SLC35F4: variants seen among roughly 807,000 people sequenced by gnomAD.
SLC35F4 encodes solute carrier family 35 member F4.
A neutral mutation model predicts 44.2 loss-of-function variants in SLC35F4; 24 were observed. The ratio of observed to expected loss-of-function variants is 0.54; its 90% CI spans 0.39 to 0.76. The LOEUF is 0.76. Ranked by LOEUF, SLC35F4 falls within the 30% of genes least tolerant of loss-of-function variation. The pLI is 0.00. For missense variants in SLC35F4, 562 were observed against 586.1 expected (o/e 0.96, Z 0.42); for synonymous variants, 238 against 223.6 (o/e 1.06, Z -0.57).
At chr14:57,821,933 G>T (rs980452371) in intron 1 of SLC35F4, among the ~76,000 whole-genome samples, 1 of 152,234 alleles carries the variant, frequency 6.6e-6, no homozygotes, top group Non-Finnish European at 1.5e-5. Context: ...AGGCACCTAA[G>T]GAGGTGCCCA....
chr14:57,732,106 A>G (rs1594908367), intron 1 of SLC35F4, among the ~76,000 whole-genome samples: 1 of 152,320 alleles, frequency 6.6e-6, no homozygotes, highest in East Asian at 1.9e-4. Flanking sequence ...TATATTTCAA[A>G]GTTTTCTCTA....
At chr14:57,718,725 T>C (rs1464162670) in intron 1 of SLC35F4, among the ~76,000 whole-genome samples, 3 of 152,170 alleles carry the variant, frequency 2.0e-5, no homozygotes, top group Non-Finnish European at 4.4e-5. Context: ...TTGAGCTCCT[T>C]ATATATTCTT....
intron 1 of SLC35F4, among the ~76,000 whole-genome samples, chr14:57,920,013 G>A (rs1025979131): frequency 6.6e-6 from 1 of 152,102 alleles, no homozygotes; most frequent in African/African-American, 2.4e-5. Flanking sequence ...ATTACCATGA[G>A]CAGTAAACCT....
intron 1 of SLC35F4, among the ~76,000 whole-genome samples, chr14:57,805,545 T>G (rs1019358697): frequency 3.9e-5 from 6 of 152,170 alleles, no homozygotes; most frequent in Non-Finnish European, 7.3e-5. Flanking sequence ...CCCATGTTCT[T>G]ACTTGTAAGT....
intron 1 of SLC35F4, among the ~76,000 whole-genome samples, chr14:57,598,318 T>G (rs905975303): frequency 2.0e-5 from 3 of 152,168 alleles, no homozygotes; most frequent in Non-Finnish European, 4.4e-5. Context: ...ACTTGAATAT[T>G]ACACCGATGC....
intron 1 of SLC35F4, among the ~76,000 whole-genome samples, chr14:57,916,824 T>C (rs1049221930): frequency 1.3e-5 from 2 of 152,182 alleles, no homozygotes; most frequent in Admixed American, 6.6e-5. Flanking sequence ...AAAATAAAAG[T>C]TGAAATTATT....
At chr14:57,600,606 G>A (rs1265985037) in intron 1 of SLC35F4, among the ~76,000 whole-genome samples, 1 of 137,066 alleles carries the variant, frequency 7.3e-6, no homozygotes, top group Admixed American at 8.1e-5. Flanking sequence ...GCAGGAGAAT[G>A]GCGTGAACCC....
intron 1 of SLC35F4, among the ~76,000 whole-genome samples, chr14:57,619,543 T>G (rs1745707): frequency 6.6e-6 from 1 of 151,728 alleles, no homozygotes; most frequent in South Asian, 2.1e-4. Context: ...CCAAGGTCAC[T>G]AACATCAGAG....
chr14:57,761,617 C>T (rs1021605094), intron 1 of SLC35F4, among the ~76,000 whole-genome samples: 8 of 152,078 alleles, frequency 5.3e-5, no homozygotes, highest in African/African-American at 1.9e-4. Flanking sequence ...TTTATTACCA[C>T]ATAAATAATT....
chr14:57,970,385 C>T lies in SLC35F4; in HGVS notation n.282+11528G>A, dbSNP rs538599166. On this transcript the variant is annotated intron_variant and non_coding_transcript_variant, in intron 1 of 1. Transcript: ENST00000556568. ...GTCTAACGGAAAGCCATGGAGTTGC[C>T]GTCAGAGACAGGATGTGGCCAGATT... Among the ~76,000 whole-genome samples, 14 of 152,236 alleles carry T rather than the reference C, an allele frequency of 9.2e-5. No individual in the cohort carries two copies. In the South Asian group the frequency reaches 2.5e-3, roughly 27 times the overall value.
intron 1 of SLC35F4, among the ~76,000 whole-genome samples, chr14:57,686,170 G>A (rs541114541): frequency 1.2e-4 from 19 of 152,230 alleles, no homozygotes; most frequent in African/African-American, 2.6e-4. Flanking sequence ...TGGAGGAGGC[G>A]TTGATTCTCA....
intron 1 of SLC35F4, among the ~76,000 whole-genome samples, chr14:57,792,664 A>T (rs1156673738): frequency 6.6e-6 from 1 of 152,174 alleles, no homozygotes; most frequent in African/African-American, 2.4e-5. Context: ...ATTCTAAGTG[A>T]AGTCACTCAG....
chr14:57,607,518 T>G (rs895062118), intron 1 of SLC35F4, among the ~76,000 whole-genome samples: 1 of 152,216 alleles, frequency 6.6e-6, no homozygotes, highest in Non-Finnish European at 1.5e-5. Flanking sequence ...AAACCCACAA[T>G]GATGAGTCCC....
chr14:57,702,984 C>T (rs1373764361), intron 1 of SLC35F4, among the ~76,000 whole-genome samples: 1 of 152,096 alleles, frequency 6.6e-6, no homozygotes, highest in Non-Finnish European at 1.5e-5. Context: ...CACACATACA[C>T]ACATATTCTT....
intron 1 of SLC35F4, among the ~76,000 whole-genome samples, chr14:57,880,137 G>A (rs190341597): frequency 5.3e-5 from 8 of 151,754 alleles, no homozygotes; most frequent in Admixed American, 1.3e-4. Flanking sequence ...ATATTTTCAG[G>A]GCTTCACAGT....
intron 1 of SLC35F4, among the ~76,000 whole-genome samples, chr14:57,607,702 T>A (rs910841334): frequency 6.6e-6 from 1 of 152,188 alleles, no homozygotes; most frequent in Non-Finnish European, 1.5e-5. Context: ...TTTTAGAAGA[T>A]CACTGTGTAA....
chr14:57,949,072 T>C (rs1486681919), intron 1 of SLC35F4, among the ~76,000 whole-genome samples: 3 of 152,134 alleles, frequency 2.0e-5, no homozygotes, highest in Admixed American at 6.6e-5. Context: ...TTATATCCAT[T>C]GTTTCTTTGT....
intron 4 of SLC35F4, among the ~76,000 whole-genome samples, chr14:57,574,008 T>A (rs1208790945): frequency 6.6e-6 from 1 of 152,138 alleles, no homozygotes; most frequent in African/African-American, 2.4e-5. Flanking sequence ...AATACATGGG[T>A]TTAGGCAATT....
At chr14:57,924,505 A>G (rs1889510559) in intron 1 of SLC35F4, among the ~76,000 whole-genome samples, 1 of 151,406 alleles carries the variant, frequency 6.6e-6, no homozygotes, top group Middle Eastern at 3.4e-3. Context: ...CTGGGGTGCA[A>G]TGGCGCTATC....
Sources: allele counts gnomAD v4.1 joint callset (sites outside exome capture counted in the v4.1 genomes callset), GRCh38; gene constraint gnomAD v4.1.1; transcripts MANE v1.5; gene names NCBI Gene and HGNC (gene_info 2026-07-23, HGNC 2026-07-21).